Variants in CHSY3 observed in about 807,000 individuals in gnomAD.
The protein encoded by CHSY3 is N-acetylgalactosaminyl-proteoglycan 3-beta-glucuronosyltransferase 3.
In CHSY3, 35 loss-of-function variants were observed where a neutral mutation model predicts 67.2. That is an observed-to-expected ratio of 0.52 (90% confidence interval 0.40 to 0.69). The LOEUF (loss-of-function observed/expected upper bound fraction) is 0.69, where lower values mean the gene tolerates loss of function less well. CHSY3 is among the 30% of genes least tolerant of loss of function. CHSY3 has a pLI of 0.00. For missense variants in CHSY3, 1,069 were observed against 1,138.5 expected (o/e 0.94, Z 0.88); for synonymous variants, 474 against 434.7 (o/e 1.09, Z -1.12).
chr5:130,077,553 A>G (rs1269734630), intron 2 of CHSY3, among the ~76,000 whole-genome samples: 1 of 152,146 alleles, frequency 6.6e-6, no homozygotes, highest in Non-Finnish European at 1.5e-5. Flanking sequence ...TCCACTATTC[A>G]GGGCAGTACA....
chr5:130,106,027 T>C (rs570704011), intron 2 of CHSY3, among the ~76,000 whole-genome samples: 2 of 151,758 alleles, frequency 1.3e-5, no homozygotes, highest in Non-Finnish European at 3.0e-5. Flanking sequence ...TCACTGTGAA[T>C]ATGTGAAAAT....
At chr5:130,052,561 A>G (rs867473918) in intron 2 of CHSY3, among the ~76,000 whole-genome samples, 1 of 152,184 alleles carries the variant, frequency 6.6e-6, no homozygotes, top group Admixed American at 6.5e-5. Flanking sequence ...ATATTTATGA[A>G]TGTCTTATTT....
chr5:129,944,132 G>A (rs192468935), intron 2 of CHSY3, among the ~76,000 whole-genome samples: 76 of 152,320 alleles, frequency 5.0e-4, no homozygotes, highest in African/African-American at 1.8e-3. Context: ...TTGGCCAAGG[G>A]CCAGCTGAAA....
chr5:130,072,460 A>G (rs140855617), intron 2 of CHSY3, among the ~76,000 whole-genome samples: 4 of 152,140 alleles, frequency 2.6e-5, no homozygotes, highest in African/African-American at 9.6e-5. Context: ...TTGAAAATCT[A>G]TTGATAGTAA....
chr5:129,961,103 C>T (rs1026998845), intron 2 of CHSY3, among the ~76,000 whole-genome samples: 5 of 151,946 alleles, frequency 3.3e-5, no homozygotes, highest in Admixed American at 6.6e-5. Context: ...TTTCAGAAAA[C>T]GGGCAATGGA....
At chr5:130,096,391 T>C (rs1023861533) in intron 2 of CHSY3, among the ~76,000 whole-genome samples, 2 of 152,160 alleles carry the variant, frequency 1.3e-5, no homozygotes, top group Non-Finnish European at 2.9e-5. Context: ...CAGTATGGAC[T>C]CAATCTCCTG....
At chr5:129,932,043 C>T (rs2149589182) in intron 2 of CHSY3, among the ~76,000 whole-genome samples, 1 of 147,356 alleles carries the variant, frequency 6.8e-6, no homozygotes, top group East Asian at 2.0e-4. Context: ...TGTATGTAAA[C>T]AGTAAAACCA....
At chr5:130,146,181 C>A in intron 2 of CHSY3, among the ~76,000 whole-genome samples, 1 of 151,942 alleles carries the variant, frequency 6.6e-6, no homozygotes, top group Non-Finnish European at 1.5e-5. Flanking sequence ...TTATAATAGT[C>A]AAGATGTAGA....
rs1376273198 is a variant in CHSY3 at position 130,112,947 on chromosome 5, G to A, written c.1087-71282G>A. On this transcript the variant is annotated intron_variant, in intron 2 of 2. Coordinates refer to ENST00000305031, the MANE Select transcript of CHSY3 (RefSeq NM_175856.5). Reference sequence around the variant, plus strand: ...ACTCAGTGATTAACAATATAATGCAGAAAATTACTATTACATAGTCATTTG... The same window carrying A: ...ACTCAGTGATTAACAATATAATGCAAAAAATTACTATTACATAGTCATTTG... Among the ~76,000 whole-genome samples the A allele has an allele frequency of 2.6e-5, 4 of 151,940 alleles. No homozygotes were observed. In the East Asian group the frequency reaches 5.8e-4, roughly 22 times the overall value.
At chr5:130,096,315 G>T (rs746036700) in intron 2 of CHSY3, among the ~76,000 whole-genome samples, 3 of 152,146 alleles carry the variant, frequency 2.0e-5, no homozygotes. Context: ...GAGACTACAG[G>T]CGCATGCTAC....
At chr5:130,137,101 A>T (rs1197504589) in intron 2 of CHSY3, among the ~76,000 whole-genome samples, 1 of 152,098 alleles carries the variant, frequency 6.6e-6, no homozygotes, top group Non-Finnish European at 1.5e-5. Context: ...TAAAAAAATC[A>T]CTCCTCTCAA....
chr5:130,171,414 T>C (rs116793978), intron 2 of CHSY3, among the ~76,000 whole-genome samples: 1,634 of 152,314 alleles, frequency 0.011, 21 homozygotes, highest in African/African-American at 0.036. Context: ...TGTGTCATTA[T>C]ACCATGATAA....
chr5:130,032,196 T>C (rs888086146), intron 2 of CHSY3, among the ~76,000 whole-genome samples: 3 of 152,174 alleles, frequency 2.0e-5, no homozygotes, highest in African/African-American at 7.2e-5. Context: ...AGTTATGTTC[T>C]GTTATGGCAG....
chr5:130,137,894 A>G (rs962248511), intron 2 of CHSY3, among the ~76,000 whole-genome samples: 1 of 152,084 alleles, frequency 6.6e-6, no homozygotes, highest in African/African-American at 2.4e-5. Flanking sequence ...TGGACCCAAC[A>G]TTGTTACAAC....
At chr5:130,165,508 G>A (rs946785649) in intron 2 of CHSY3, among the ~76,000 whole-genome samples, 4 of 151,772 alleles carry the variant, frequency 2.6e-5, no homozygotes, top group African/African-American at 7.3e-5. Flanking sequence ...ATCCATTATC[G>A]TGTCCTTTAT....
At chr5:129,995,234 T>G (rs1763500750) in intron 2 of CHSY3, among the ~76,000 whole-genome samples, 1 of 152,182 alleles carries the variant, frequency 6.6e-6, no homozygotes. Flanking sequence ...TATATCCTTT[T>G]TGTAAAATGC....
intron 2 of CHSY3, among the ~76,000 whole-genome samples, chr5:130,172,579 T>G (rs1454594652): frequency 6.6e-6 from 1 of 152,088 alleles, no homozygotes; most frequent in African/African-American, 2.4e-5. Flanking sequence ...AACCTGCCTG[T>G]CTCATCCTCT....
At chr5:129,930,307 T>C (rs1761257085) in intron 2 of CHSY3, among the ~76,000 whole-genome samples, 2 of 146,384 alleles carry the variant, frequency 1.4e-5, no homozygotes, top group South Asian at 4.3e-4. Context: ...CACTACAGCC[T>C]GAGCAGCAGA....
intron 2 of CHSY3, among the ~76,000 whole-genome samples, chr5:130,130,201 T>C (rs1293494114): frequency 6.6e-6 from 1 of 152,152 alleles, no homozygotes; most frequent in African/African-American, 2.4e-5. Flanking sequence ...ATATTCCCCC[T>C]TAAGTTCTCT....
Sources: allele counts gnomAD v4.1 joint callset (sites outside exome capture counted in the v4.1 genomes callset), GRCh38; gene constraint gnomAD v4.1.1; transcripts MANE v1.5; gene names NCBI Gene and HGNC (gene_info 2026-07-23, HGNC 2026-07-21).